TBCK: variants seen among roughly 807,000 people sequenced by gnomAD.
TBCK encodes the protein TBC1 domain containing kinase.
Under a neutral mutation model 113.4 loss-of-function variants are expected in TBCK, and 99 were observed. The ratio of observed to expected loss-of-function variants is 0.87; its 90% CI spans 0.74 to 1.03. TBCK has a LOEUF of 1.03. TBCK is among the 50% of genes least tolerant of loss of function. TBCK has a pLI of 0.00. For synonymous variants in TBCK, 369 were observed against 370.8 expected (o/e 1.00, Z 0.05); for missense variants, 1,045 against 1,061.3 (o/e 0.98, Z 0.21).
intron 3 of TBCK, among the ~76,000 whole-genome samples, chr4:106,269,899 G>T (rs565795462): frequency 6.6e-6 from 1 of 152,216 alleles, no homozygotes; most frequent in East Asian, 1.9e-4. Context: ...TAGTCTAGCG[G>T]TTTGAGGTTC....
chr4:106,196,186 C>CTA (rs1295668673), intron 20 of TBCK, among the ~76,000 whole-genome samples: 3 of 151,544 alleles, frequency 2.0e-5, no homozygotes, highest in Non-Finnish European at 4.4e-5. Flanking sequence ...ACATATATAG[C>CTA]TATATATATA....
intron 19 of TBCK, among the ~76,000 whole-genome samples, chr4:106,217,294 T>C (rs1220064971): frequency 6.6e-6 from 1 of 152,130 alleles, no homozygotes; most frequent in Non-Finnish European, 1.5e-5. Flanking sequence ...AGCATTCCCT[T>C]TGAAAACTGG....
At chr4:106,093,029 G>A (rs1440331468) in intron 25 of TBCK, among the ~76,000 whole-genome samples, 1 of 152,222 alleles carries the variant, frequency 6.6e-6, no homozygotes, top group African/African-American at 2.4e-5. Context: ...GCCAAACCAT[G>A]TGTGTTACTA....
chr4:106,062,712 T>C (rs1736187425), intron 25 of TBCK, among the ~76,000 whole-genome samples: 1 of 151,780 alleles, frequency 6.6e-6, no homozygotes, highest in Non-Finnish European at 1.5e-5. Flanking sequence ...GGTGGGTATG[T>C]AGAATAACAC....
At chr4:106,306,201 C>T (rs1386211248) in intron 2 of TBCK, among the ~76,000 whole-genome samples, 1 of 149,646 alleles carries the variant, frequency 6.7e-6, no homozygotes, top group Non-Finnish European at 1.5e-5. Flanking sequence ...TCCTGAATAG[C>T]TAGGACTACA....
chr4:106,216,986 A>G (rs373755122), intron 19 of TBCK, among the ~76,000 whole-genome samples: 8 of 152,206 alleles, frequency 5.3e-5, no homozygotes, highest in Non-Finnish European at 8.8e-5. Context: ...CTGCCAAACC[A>G]AATCCAGCAG....
rs564323324 is a variant in TBCK at position 106,044,991 on chromosome 4, A to C, written c.*1579T>G. ...AAACAAAATTGAAGATAATTAAAGG[A>C]TATGCTATATTTCATATATATGAGG... On this transcript the variant is annotated 3_prime_UTR_variant, in exon 26 of 26. Transcript: ENST00000394708. 4 of 151,734 alleles carry C rather than the reference A, an allele frequency of 2.6e-5. No individual in the cohort carries two copies. Among genetic ancestry groups the C allele is most frequent in the Non-Finnish European group, 5.9e-5 (4 of 67,970 alleles). 9.4% of individuals were successfully genotyped at this position (151,734 alleles called of 1,614,324 possible).
intron 22 of TBCK, 104 bp downstream of exon 22, chr4:106,193,505 G>A (rs1753884928): frequency 8.5e-7 from 1 of 1,176,432 alleles, no homozygotes; most frequent in Non-Finnish European, 1.2e-6. Flanking sequence ...CCAAACAGAA[G>A]AGATGCTGAA....
intron 19 of TBCK, among the ~76,000 whole-genome samples, chr4:106,222,418 C>CA (rs1421429343): frequency 6.6e-6 from 1 of 151,914 alleles, no homozygotes; most frequent in Admixed American, 6.6e-5. Flanking sequence ...ATCTGTTTTC[C>CA]AAAAAATATA....
intron 23 of TBCK, among the ~76,000 whole-genome samples, chr4:106,136,121 A>G (rs1237162052): frequency 7.0e-6 from 1 of 141,948 alleles, no homozygotes; most frequent in Admixed American, 6.9e-5. Context: ...GCTTTGCTCA[A>G]TTCTTTATCT....
Position 106,136,632 on chromosome 4 carries a change from C to T in TBCK, c.2236-20254G>A, listed in dbSNP as rs1049073105. Among the ~76,000 whole-genome samples the T allele has an allele frequency of 2.8e-5, 4 of 140,918 alleles. 1 individual carries two copies. The highest frequency in any genetic ancestry group is 1.0e-4 in the African/African-American group (4 of 39,878). 92.4% of individuals were successfully genotyped at this position (140,918 alleles called of 152,430 possible). A position where few individuals can be genotyped will look rare whatever the true frequency, so the allele number is the denominator to read the frequency against. On this transcript the variant is annotated intron_variant, in intron 23 of 25. Transcript: ENST00000394708. ...GTCTTTTTATTCTCCCCCTCCCCCA[C>T]CAACTTAACCTGGTATGAATGATGC...
intron 3 of TBCK, among the ~76,000 whole-genome samples, chr4:106,291,788 AG>A (rs1195572020): frequency 6.6e-6 from 1 of 152,206 alleles, no homozygotes; most frequent in African/African-American, 2.4e-5. Flanking sequence ...GCCGATCAAA[AG>A]GTAGCACGTG....
intron 25 of TBCK, among the ~76,000 whole-genome samples, chr4:106,049,126 T>G (rs1734530879): frequency 6.6e-6 from 1 of 152,174 alleles, no homozygotes; most frequent in African/African-American, 2.4e-5. Flanking sequence ...GACTGCATCT[T>G]TTCTACTGCT....
intron 9 of TBCK, chr4:106,247,536 A>T: frequency 2.8e-6 from 1 of 351,126 alleles, no homozygotes; most frequent in Non-Finnish European, 5.1e-6. Context: ...ATTCCATAAA[A>T]GCTTCTGCAT....
chr4:106,219,478 TA>T (rs1214688930), intron 19 of TBCK, among the ~76,000 whole-genome samples: 2 of 151,974 alleles, frequency 1.3e-5, no homozygotes, highest in East Asian at 3.9e-4. Flanking sequence ...GGTAGGCAAT[TA>T]AAAATATATT....
intron 3 of TBCK, among the ~76,000 whole-genome samples, chr4:106,285,466 A>G (rs1399572813): frequency 6.6e-6 from 1 of 152,144 alleles, no homozygotes; most frequent in East Asian, 1.9e-4. Context: ...TCAATATTAA[A>G]TCGGTCATGA....
chr4:106,177,720 T>C (rs983458480), intron 22 of TBCK, among the ~76,000 whole-genome samples: 4 of 152,006 alleles, frequency 2.6e-5, no homozygotes, highest in African/African-American at 9.7e-5. Flanking sequence ...ACAATGCTGT[T>C]TTGGTTACTA....
rs142035976 is a variant in TBCK, at chr4:106,181,677, G to A, written c.2060-10407C>T. On this transcript the variant is annotated intron_variant, in intron 22 of 25. Coordinates refer to ENST00000394708, the MANE Select transcript of TBCK (RefSeq NM_001163435.3). ...CAGGTTTGTTAAAGATCAGATGATT[G>A]TAGATGTGTGGTGTTATTTCTGAGG... Among the ~76,000 whole-genome samples the A allele has an allele frequency of 5.5e-3, 844 of 152,178 alleles. 10 individuals are homozygous for A. Among genetic ancestry groups the A allele is most frequent in the African/African-American group, 0.02 (814 of 41,520 alleles).
chr4:106,295,840 T>C (rs1766242638), intron 2 of TBCK, among the ~76,000 whole-genome samples: 1 of 152,160 alleles, frequency 6.6e-6, no homozygotes, highest in African/African-American at 2.4e-5. Context: ...ATTCATGACA[T>C]ACCTTTTTTT....
Sources: allele counts gnomAD v4.1 joint callset (sites outside exome capture counted in the v4.1 genomes callset), GRCh38; gene constraint gnomAD v4.1.1; transcripts MANE v1.5; gene names NCBI Gene and HGNC (gene_info 2026-07-23, HGNC 2026-07-21).